Variants in UNC79 observed in about 807,000 individuals in gnomAD.
The protein encoded by UNC79 is unc-79 subunit of NALCN channel complex, also known as protein unc-79 homolog.
A neutral mutation model predicts 283.1 loss-of-function variants in UNC79; 37 were observed. That is an observed-to-expected ratio of 0.13 (90% confidence interval 0.10 to 0.17). UNC79 has a LOEUF of 0.17. Among genes scored for constraint, UNC79 ranks in the 10% least tolerant of loss-of-function variants. The probability of loss-of-function intolerance (pLI) is 1.00; values close to 1 mark genes in which losing one functional copy is unlikely to be tolerated. For missense variants in UNC79, 2,272 were observed against 3,211.1 expected, an observed-to-expected ratio of 0.71 and a Z score of 7.07; for synonymous variants, 1,107 against 1,200.2, an observed-to-expected ratio of 0.92 and a Z score of 1.61.
chr14:93,579,028 C>T (rs937773485), intron 18 of UNC79, among the ~76,000 whole-genome samples: 1 of 152,052 alleles, frequency 6.6e-6, no homozygotes, highest in Non-Finnish European at 1.5e-5. Flanking sequence ...GGGGCCTTGA[C>T]ATTTTTGAAG....
intron 26 of UNC79, among the ~76,000 whole-genome samples, chr14:93,612,453 G>A (rs977198353): frequency 6.6e-6 from 1 of 152,138 alleles, no homozygotes; most frequent in African/African-American, 2.4e-5. Context: ...TTATCACTGA[G>A]GATAAAACTT....
At chr14:93,635,705 C>A (rs1374302295) in intron 31 of UNC79, among the ~76,000 whole-genome samples, 1 of 152,178 alleles carries the variant, frequency 6.6e-6, no homozygotes, top group Non-Finnish European at 1.5e-5. Context: ...CAGATAGTTT[C>A]AACTCTCCTG....
intron 5 of UNC79, among the ~76,000 whole-genome samples, chr14:93,490,967 A>G (rs1476306674): frequency 6.6e-6 from 1 of 152,220 alleles, no homozygotes; most frequent in Non-Finnish European, 1.5e-5. Flanking sequence ...AAAATTCTAT[A>G]AACTGGATGA....
intron 47 of UNC79, among the ~76,000 whole-genome samples, chr14:93,695,175 CTT>C (rs1358331892): frequency 6.6e-6 from 1 of 152,090 alleles, no homozygotes; most frequent in Non-Finnish European, 1.5e-5. Flanking sequence ...CCTTGTATCT[CTT>C]CTTGTATTTC....
intron 7 of UNC79, among the ~76,000 whole-genome samples, chr14:93,502,540 T>C (rs190492339): frequency 1.3e-3 from 200 of 152,354 alleles, no homozygotes; most frequent in Non-Finnish European, 2.4e-3. Context: ...TTCTTGACAA[T>C]GAAAATAGCC....
rs940358887 is a variant in UNC79 at position 93,621,295 on chromosome 14, A to G, written c.4388-326A>G. On this transcript the variant is annotated intron_variant, in intron 29 of 48. Coordinates refer to ENST00000555664, the Ensembl canonical transcript of UNC79. The surrounding 1 kb of genome is among the most constrained non-coding windows in gnomAD (Gnocchi z 4.8). ...TGCAAAATGTTTGCTTCTCTTCCAC[A>G]CGATTTGAATACAGTTTCCTAGATC... is the stretch of plus-strand genomic sequence containing the variant. Among the ~76,000 whole-genome samples, 2 of 152,106 alleles carry G rather than the reference A, an allele frequency of 1.3e-5. No individual in the cohort carries two copies. The highest frequency in any genetic ancestry group is 6.5e-5 in the Admixed American group (1 of 15,270).
intron 35 of UNC79, among the ~76,000 whole-genome samples, chr14:93,647,588 A>T (rs1294803355): frequency 1.3e-5 from 2 of 152,144 alleles, no homozygotes; most frequent in East Asian, 3.9e-4. Flanking sequence ...AAACAGACTA[A>T]TGTGGCTGGA....
chr14:93,654,006 C>T, exon 37 of UNC79: 9 of 1,614,126 alleles, frequency 5.6e-6, no homozygotes, highest in Non-Finnish European at 7.6e-6. Context: ...TCCATCGCAG[C>T]TCTCAGTCAG....
At chr14:93,663,885 G>A (rs2071870608) in intron 40 of UNC79, among the ~76,000 whole-genome samples, 1 of 151,728 alleles carries the variant, frequency 6.6e-6, no homozygotes, top group Admixed American at 6.6e-5. Flanking sequence ...CCTTTTTTGG[G>A]GGAAGAATCA....
At chr14:93,570,309 C>T (rs970939661) in intron 14 of UNC79, among the ~76,000 whole-genome samples, 2 of 152,096 alleles carry the variant, frequency 1.3e-5, no homozygotes, top group Non-Finnish European at 2.9e-5. Flanking sequence ...GAAATTGTCC[C>T]CTTAGGTCGG....
intron 27 of UNC79, among the ~76,000 whole-genome samples, chr14:93,613,748 T>G (rs991049443): frequency 4.6e-5 from 7 of 152,292 alleles, no homozygotes; most frequent in African/African-American, 1.7e-4. Flanking sequence ...GTGCCTATTT[T>G]TTTTCAATTA....
At chr14:93,388,466 A>G (rs1350033936) in intron 1 of UNC79, among the ~76,000 whole-genome samples, 2 of 152,256 alleles carry the variant, frequency 1.3e-5, no homozygotes, top group East Asian at 3.9e-4. Flanking sequence ...TAAAGAATAA[A>G]TTTCTCAAAA....
chr14:93,414,263 A>G (rs2055402554), intron 1 of UNC79, among the ~76,000 whole-genome samples: 1 of 152,190 alleles, frequency 6.6e-6, no homozygotes, highest in African/African-American at 2.4e-5. Context: ...CAGTTTTCCC[A>G]GTGCCATTAT....
intron 22 of UNC79, among the ~76,000 whole-genome samples, chr14:93,590,817 C>T (rs1374064549): frequency 6.6e-6 from 1 of 152,218 alleles, no homozygotes; most frequent in Admixed American, 6.5e-5. Context: ...TCTAGCTGGG[C>T]TGCCTGGTTT....
At chr14:93,363,257 G>A (rs975705731) in intron 1 of UNC79, among the ~76,000 whole-genome samples, 3 of 152,024 alleles carry the variant, frequency 2.0e-5, no homozygotes, top group East Asian at 1.9e-4. Context: ...TTTAATTTTC[G>A]TGTAATTATA....
intron 1 of UNC79, among the ~76,000 whole-genome samples, chr14:93,343,864 T>C (rs1172792695): frequency 2.0e-5 from 3 of 152,248 alleles, no homozygotes; most frequent in African/African-American, 7.2e-5. Context: ...GTTCTTGCAT[T>C]GTGGGTCACT....
intron 20 of UNC79, among the ~76,000 whole-genome samples, chr14:93,582,747 C>T (rs1039231526): frequency 6.6e-6 from 1 of 152,186 alleles, no homozygotes; most frequent in Non-Finnish European, 1.5e-5. Context: ...GGCTACTTTG[C>T]TGGCTCTTAG....
chr14:93,631,851 G>T (rs1157414302), intron 31 of UNC79, among the ~76,000 whole-genome samples: 3 of 152,190 alleles, frequency 2.0e-5, no homozygotes, highest in Non-Finnish European at 2.9e-5. Flanking sequence ...GGCACTGGAG[G>T]TCAAAAGTGA....
exon 14 of UNC79, chr14:93,542,558 T>C (rs1469033725): frequency 6.2e-7 from 1 of 1,614,160 alleles, no homozygotes; most frequent in East Asian, 2.2e-5. Flanking sequence ...CCACTGCGTA[T>C]ATGATGGATG....
Sources: allele counts gnomAD v4.1 joint callset (sites outside exome capture counted in the v4.1 genomes callset), GRCh38; gene constraint gnomAD v4.1.1; non-coding constraint Gnocchi (gnomAD v3.1); transcripts MANE v1.5; gene names NCBI Gene and HGNC (gene_info 2026-07-23, HGNC 2026-07-21).